DOP1A: variants seen among roughly 807,000 people sequenced by gnomAD.
The protein encoded by DOP1A is protein DOP1A.
Under a neutral mutation model 267.6 loss-of-function variants are expected in DOP1A, and 90 were observed. The ratio of observed to expected loss-of-function variants is 0.34; its 90% CI spans 0.28 to 0.40. The LOEUF is 0.40. Ranked by LOEUF, DOP1A falls within the 10% of genes least tolerant of loss-of-function variation. The probability of loss-of-function intolerance (pLI) is 1.00; values close to 1 mark genes in which losing one functional copy is unlikely to be tolerated. For missense variants in DOP1A, 2,437 were observed against 2,900.4 expected (o/e 0.84, Z 3.67); for synonymous variants, 932 against 999.1 (o/e 0.93, Z 1.27).
intron 19 of DOP1A, 53 bp from the exon 20 acceptor site, chr6:83,135,564 AGT>A: frequency 6.6e-7 from 1 of 1,506,750 alleles, no homozygotes; most frequent in Non-Finnish European, 9.0e-7. Context: ...TTTATAAAAG[AGT>A]GTGACAAGGT....
chr6:83,149,333 G>A (rs1781151998), intron 27 of DOP1A, among the ~76,000 whole-genome samples: 1 of 152,160 alleles, frequency 6.6e-6, no homozygotes, highest in Admixed American at 6.6e-5. Context: ...TGCAAGTACT[G>A]GGATGTCATA....
chr6:83,133,328 GA>G (rs1259245117), intron 18 of DOP1A, among the ~76,000 whole-genome samples: 34 of 151,654 alleles, frequency 2.2e-4, no homozygotes, highest in Admixed American at 2.0e-3. Flanking sequence ...ACACATCCAT[GA>G]AAAAAAATTA....
chr6:83,095,636 T>TATTG (rs1205182868), intron 1 of DOP1A, among the ~76,000 whole-genome samples: 5 of 152,196 alleles, frequency 3.3e-5, no homozygotes, highest in Admixed American at 6.5e-5. Flanking sequence ...CTAGATTACG[T>TATTG]ATTGCTGTGT....
At chr6:83,168,677 G>GC, downstream of DOP1A, 2 of 994,592 alleles carry the variant, frequency 2.0e-6, no homozygotes, top group Non-Finnish European at 2.4e-6. Flanking sequence ...TATTGCATGA[G>GC]CATCTCCACC....
In DOP1A at chr6:83,129,059, T is replaced by C. The variant is rs773502955; in HGVS notation, c.1892T>C (p.Ile631Thr). 1.3e-5 allele frequency: 21 copies of C among 1,613,982 alleles called. No homozygotes were observed. The South Asian group carries it at 2.1e-4, about 16-fold the overall frequency. The change falls in exon 16 of 39, where the codon ATT (isoleucine) becomes ACT (threonine). Residue 631 changes from isoleucine (I) to threonine (T), a missense_variant. Around this residue, in one of 9 missense-constraint regions of DOP1A, gnomAD observed 498 missense variants for 513.5 expected, o/e 0.97. Transcript: ENST00000349129. ...GGCCAGGGGGCAGCTGCCATCCCAA[T>C]TGGTAGCACATCCTCTGAGACAGAA... ...SEGQGAAAIP[I>T]GSTSSETETA...
intron 4 of DOP1A, among the ~76,000 whole-genome samples, chr6:83,102,632 A>G (rs1252836182): frequency 6.6e-6 from 1 of 152,176 alleles, no homozygotes; most frequent in Admixed American, 6.5e-5. Flanking sequence ...CTGGCCTAAC[A>G]TTGATCCACC....
chr6:83,092,454 T>G (rs1562284317), intron 1 of DOP1A, among the ~76,000 whole-genome samples: 1 of 152,112 alleles, frequency 6.6e-6, no homozygotes, highest in Non-Finnish European at 1.5e-5. Context: ...ATTCACATAT[T>G]TAAGTTCATA....
chr6:83,157,592 C>T (rs1783085113), intron 35 of DOP1A, among the ~76,000 whole-genome samples: 1 of 152,190 alleles, frequency 6.6e-6, no homozygotes, highest in Non-Finnish European at 1.5e-5. Flanking sequence ...TACTACACTA[C>T]ATTTTTAACT....
At chr6:83,105,405 C>A (rs1278663113) in intron 4 of DOP1A, among the ~76,000 whole-genome samples, 6 of 126,456 alleles carry the variant, frequency 4.7e-5, no homozygotes, top group Non-Finnish European at 7.9e-5. Context: ...CGCTCTGTCA[C>A]CCAAGGTGGA....
Position 83,157,192 on chromosome 6 carries a change from T to C in DOP1A, c.6615T>C (p.Val2205=). The C allele has an allele frequency of 6.2e-7, 1 of 1,613,130 alleles. No homozygotes were observed. Among genetic ancestry groups the C allele is most frequent in the Non-Finnish European group, 8.5e-7 (1 of 1,179,826 alleles). Residue 2205 remains valine (V), a synonymous_variant, in exon 35 of 39, where the codon GTT becomes GTC. Transcript: ENST00000349129. ...CTGCATTTCTTTCAGAGAGATTGGTTGAGAGTCTCCGTTTGCCACAGGTGC... is the reference window on the plus strand; with the variant it reads ...CTGCATTTCTTTCAGAGAGATTGGTCGAGAGTCTCCGTTTGCCACAGGTGC... ...KYLPDIQERL[V]ESLRLPQVPT...
chr6:83,152,935 G>A (rs1782011951), intron 30 of DOP1A, among the ~76,000 whole-genome samples: 2 of 152,022 alleles, frequency 1.3e-5, no homozygotes, highest in Non-Finnish European at 2.9e-5. Context: ...GGGTGGAGGT[G>A]ATCTAAAGCC....
chr6:83,168,147 G>A lies in DOP1A; in HGVS notation c.7378G>A (p.Glu2460Lys), dbSNP rs1220882320. 1.2e-6 allele frequency: 2 copies of A among 1,612,274 alleles called. No homozygotes were observed. The highest frequency in any genetic ancestry group is 1.7e-6 in the Non-Finnish European group (2 of 1,179,510). Residue 2460 changes from glutamate (E) to lysine (K), a missense_variant, in exon 39 of 39, where the codon GAA becomes AAA. Coordinates refer to ENST00000349129, the MANE Select transcript of DOP1A (RefSeq NM_015018.4). ...IEEMVEKDFL[E>K]GMIKT Reference sequence around the variant, plus strand: ...AGAGATGGTAGAAAAAGATTTTCTGGAAGGGATGATAAAAACTTGAGCACC... The same window carrying A: ...AGAGATGGTAGAAAAAGATTTTCTGAAAGGGATGATAAAAACTTGAGCACC...
intron 1 of DOP1A, among the ~76,000 whole-genome samples, chr6:83,084,213 CT>C (rs1336424651): frequency 6.6e-6 from 1 of 152,114 alleles, no homozygotes; most frequent in Admixed American, 6.5e-5. Context: ...TTTTACTGTA[CT>C]TTTCTATTTT....
intron 38 of DOP1A, chr6:83,167,495 T>C (rs1241847082): frequency 1.0e-6 from 1 of 1,003,082 alleles, no homozygotes; most frequent in African/African-American, 1.7e-5. Context: ...AGTAATTTTG[T>C]GACCTAGTCC....
chr6:83,162,693 G>A, intron 37 of DOP1A, 97 bp from the exon 38 acceptor site: 5 of 1,351,160 alleles, frequency 3.7e-6, no homozygotes, highest in Non-Finnish European at 4.9e-6. Context: ...ATTTTTATAA[G>A]CAGTGGGGTC....
intron 24 of DOP1A, among the ~76,000 whole-genome samples, chr6:83,145,073 A>G (rs1366313592): frequency 7.4e-6 from 1 of 135,340 alleles, no homozygotes; most frequent in Admixed American, 8.5e-5. Flanking sequence ...ACTGCACTCC[A>G]GCCTTGGAGA....
At chr6:83,101,440 C>CTA (rs1364479588) in intron 4 of DOP1A, among the ~76,000 whole-genome samples, 3 of 152,150 alleles carry the variant, frequency 2.0e-5, no homozygotes, top group African/African-American at 7.2e-5. Context: ...GTTGTTGAGA[C>CTA]TATAGTACAT....
chr6:83,070,694 A>G (rs550214164), intron 1 of DOP1A, among the ~76,000 whole-genome samples: 1 of 149,038 alleles, frequency 6.7e-6, no homozygotes, highest in African/African-American at 2.5e-5. Flanking sequence ...ATTTTGAATT[A>G]ATTTCCTCCT....
chr6:83,160,009 C>A, intron 37 of DOP1A, 49 bp downstream of exon 37: 1 of 1,579,758 alleles, frequency 6.3e-7, no homozygotes. Flanking sequence ...AGTGCATTTG[C>A]TTTGGTCACT....
Sources: allele counts gnomAD v4.1 joint callset (sites outside exome capture counted in the v4.1 genomes callset), GRCh38; gene constraint gnomAD v4.1.1; regional missense constraint gnomAD v4.1.1; transcripts MANE v1.5; gene names NCBI Gene and HGNC (gene_info 2026-07-23, HGNC 2026-07-21).